Variants in ZNF81 observed in about 807,000 individuals in gnomAD.
ZNF81 encodes zinc finger protein 81, also known as zinc finger protein 81 (HFZ20).
A neutral mutation model predicts 32.3 loss-of-function variants in ZNF81; 5 were observed. That is an observed-to-expected ratio of 0.15 (90% CI 0.08 to 0.33). ZNF81 has a LOEUF of 0.33. Ranked by LOEUF, ZNF81 falls within the 10% of genes least tolerant of loss-of-function variation. The probability of loss-of-function intolerance (pLI) is 1.00; values close to 1 mark genes in which losing one functional copy is unlikely to be tolerated. For synonymous variants in ZNF81, 163 were observed against 166.8 expected (o/e 0.98, Z 0.17); for missense variants, 379 against 479.8 (o/e 0.79, Z 1.96).
rs1462516488 is a variant in ZNF81, at chrX:47,917,415, T to C, written c.*783T>C. ...TCCCAAGTAGCGTCTCTTTGTCTACTACTTGACTTTGAACTTGGCCACGTG... is the reference window on the plus strand; with the variant it reads ...TCCCAAGTAGCGTCTCTTTGTCTACCACTTGACTTTGAACTTGGCCACGTG... On this transcript the variant is annotated 3_prime_UTR_variant, in exon 5 of 5. Transcript: ENST00000338637. The C allele has an allele frequency of 3.4e-6, 1 of 292,389 alleles. No homozygotes were observed. Among genetic ancestry groups the C allele is most frequent in the African/African-American group, 2.8e-5 (1 of 36,353 alleles). 24.1% of individuals were successfully genotyped at this position (292,389 alleles called of 1,213,427 possible). A position where few individuals can be genotyped will look rare whatever the true frequency, so the allele number is the denominator to read the frequency against.
chrX:47,849,495 A>G (rs1403732055), intron 2 of ZNF81, among the ~76,000 whole-genome samples: 1 of 111,252 alleles, frequency 9.0e-6, no homozygotes, highest in Non-Finnish European at 1.9e-5. Context: ...AACATGGTGA[A>G]ACCCTGTCTC....
At chrX:47,892,725 C>T (rs1272146927) in intron 3 of ZNF81, among the ~76,000 whole-genome samples, 1 of 112,826 alleles carries the variant, frequency 8.9e-6, no homozygotes, top group Non-Finnish European at 1.9e-5. Flanking sequence ...CCTTGATATC[C>T]ATATCAATGT....
In ZNF81 at chrX:47,922,296, T is replaced by G. The variant is rs1556892037; in HGVS notation, c.*5664T>G. 1 of 112,349 alleles carries G rather than the reference T, an allele frequency of 8.9e-6. No individual in the cohort carries two copies. The highest frequency in any genetic ancestry group is 3.2e-5 in the African/African-American group (1 of 30,880). 9.3% of individuals were successfully genotyped at this position (112,349 alleles called of 1,213,427 possible). On this transcript the variant is annotated 3_prime_UTR_variant, in exon 5 of 5. Coordinates refer to ENST00000338637, the MANE Select transcript of ZNF81 (RefSeq NM_007137.5). ...GCTTGTAATCAGAAGTTATATAAGA[T>G]TGTTTCCTCCTTTGATTTTCAAAAA...
At chrX:47,869,669 GT>G (rs367801700) in intron 2 of ZNF81, among the ~76,000 whole-genome samples, 10,449 of 109,088 alleles carry the variant, frequency 0.096, 633 homozygotes, top group African/African-American at 0.21. Context: ...TGTATTTTTT[GT>G]TTTTTTTTAT....
intron 4 of ZNF81, among the ~76,000 whole-genome samples, chrX:47,911,595 T>C (rs146515473): frequency 0.01 from 1,164 of 111,678 alleles, 20 homozygotes; most frequent in African/African-American, 0.036. Context: ...TTTTGCTGTG[T>C]TTTAGAGGGA....
intron 4 of ZNF81, among the ~76,000 whole-genome samples, chrX:47,900,618 C>T (rs912484250): frequency 9.0e-6 from 1 of 111,682 alleles, no homozygotes; most frequent in Non-Finnish European, 1.9e-5. Flanking sequence ...ATTTGGATTG[C>T]GTCCTGAACA....
intron 2 of ZNF81, among the ~76,000 whole-genome samples, chrX:47,869,417 G>C: frequency 9.0e-6 from 1 of 111,328 alleles, no homozygotes; most frequent in East Asian, 2.8e-4. Flanking sequence ...CCATTACTGG[G>C]AGTACAAAAA....
chrX:47,914,983 A>G lies in ZNF81; in HGVS notation c.337A>G (p.Ser113Gly). The change falls in exon 5 of 5, where the codon AGT (serine) becomes GGT (glycine). Residue 113 changes from serine (S) to glycine (G), a missense_variant. Ser to Gly is a moderately conservative substitution (Grantham distance 56). Around this residue, in one of 2 missense-constraint regions of ZNF81, gnomAD observed 277 missense variants for 306.6 expected, o/e 0.90. Coordinates refer to ENST00000338637, the MANE Select transcript of ZNF81 (RefSeq NM_007137.5). ...RRISGKSTFH[S>G]EMEGEDTRDD... ...AATTTCTGGGAAATCTACATTTCAT[A>G]GTGAAATGGAGGGTGAAGACACAAG... is the stretch of plus-strand genomic sequence containing the variant. 1 of 1,203,527 alleles carries G rather than the reference A, an allele frequency of 8.3e-7. No individual in the cohort carries two copies. The highest frequency in any genetic ancestry group is 1.1e-6 in the Non-Finnish European group (1 of 890,049).
chrX:47,858,692 T>C (rs2148012272), intron 2 of ZNF81, among the ~76,000 whole-genome samples: 1 of 112,216 alleles, frequency 8.9e-6, no homozygotes, highest in Admixed American at 9.5e-5. Context: ...TTCTATATAA[T>C]ATGTGAAAGA....
In ZNF81 at chrX:47,836,946, GT is replaced by G. The variant is rs782692640; in HGVS notation, c.-203del. The G allele has an allele frequency of 1.4e-5, 3 of 219,971 alleles. No individual in the cohort carries two copies. The highest frequency in any genetic ancestry group is 2.2e-4 in the East Asian group (2 of 9,057). The allele number at this position is 219,971 out of a possible 1,213,427, so 18.1% of individuals were successfully genotyped here. A position where few individuals can be genotyped will look rare whatever the true frequency, so the allele number is the denominator to read the frequency against. ...GCCGGTTCTCAGCCGGGGTTTGATAGTTGTCAGGAGGATTCGACGTTCAGTG... is the reference window on the plus strand; with the variant it reads ...GCCGGTTCTCAGCCGGGGTTTGATAGTGTCAGGAGGATTCGACGTTCAGTG... On this transcript the variant is annotated 5_prime_UTR_variant, in exon 1 of 5. Transcript: ENST00000338637.
chrX:47,856,732 G>T (rs1318373552), intron 2 of ZNF81, among the ~76,000 whole-genome samples: 3 of 111,321 alleles, frequency 2.7e-5, no homozygotes, highest in Non-Finnish European at 5.7e-5. Context: ...ATCACCTGAG[G>T]TCAGGATTTC....
intron 2 of ZNF81, among the ~76,000 whole-genome samples, chrX:47,873,480 C>T (rs1416445415): frequency 1.8e-5 from 2 of 111,595 alleles, no homozygotes; most frequent in Non-Finnish European, 3.8e-5. Flanking sequence ...TTTCTGATGT[C>T]TCTCTGTTCC....
At chrX:47,901,127 T>C (rs1391084429) in intron 4 of ZNF81, among the ~76,000 whole-genome samples, 1 of 110,555 alleles carries the variant, frequency 9.0e-6, no homozygotes, top group African/African-American at 3.3e-5. Context: ...TGTTTTTTTA[T>C]TTTTGTTTGT....
intron 2 of ZNF81, among the ~76,000 whole-genome samples, chrX:47,854,528 A>T (rs1556881638): frequency 9.0e-6 from 1 of 111,703 alleles, no homozygotes; most frequent in Non-Finnish European, 1.9e-5. Context: ...CTAGCTTTTG[A>T]TTTAAAGGGA....
In ZNF81 at chrX:47,891,009, T is replaced by C. The variant is rs781990333; in HGVS notation, c.181+2884T>C. Among the ~76,000 whole-genome samples the C allele has an allele frequency of 8.0e-5, 9 of 112,011 alleles. No homozygotes were observed. The South Asian group carries it at 3.4e-3, about 42-fold the overall frequency. On this transcript the variant is annotated intron_variant, in intron 3 of 4. Coordinates refer to ENST00000338637, the MANE Select transcript of ZNF81 (RefSeq NM_007137.5). Reference sequence around the variant, plus strand: ...CTTGCTCACTAGGTCCAATCAGCATTATCTCATTAGTGTCATGGACCAGTG... The same window carrying C: ...CTTGCTCACTAGGTCCAATCAGCATCATCTCATTAGTGTCATGGACCAGTG...
At chrX:47,866,255 C>G (rs2058559623) in intron 2 of ZNF81, among the ~76,000 whole-genome samples, 2 of 111,826 alleles carry the variant, frequency 1.8e-5, no homozygotes, top group Non-Finnish European at 3.8e-5. Flanking sequence ...AAAGACGTAG[C>G]CAGCATCAGC....
At chrX:47,868,630 T>G (rs1482418066) in intron 2 of ZNF81, among the ~76,000 whole-genome samples, 1 of 111,617 alleles carries the variant, frequency 9.0e-6, no homozygotes, top group East Asian at 2.8e-4. Context: ...GTGATTGTAT[T>G]ATGTGCTTTT....
chrX:47,878,513 GGA>G (rs1556884797), intron 2 of ZNF81, among the ~76,000 whole-genome samples: 1 of 112,530 alleles, frequency 8.9e-6, no homozygotes, highest in Non-Finnish European at 1.9e-5. Flanking sequence ...CCGATTGGGG[GGA>G]ACCTGAGACT....
intron 4 of ZNF81, among the ~76,000 whole-genome samples, chrX:47,898,863 T>C (rs1272484676): frequency 8.9e-6 from 1 of 112,027 alleles, no homozygotes; most frequent in Non-Finnish European, 1.9e-5. Context: ...TATTTTTTGA[T>C]TTTCATTGCT....
Sources: gnomAD v4.1 joint callset for allele counts (sites outside exome capture counted in the v4.1 genomes callset) on GRCh38, gnomAD v4.1.1 for gene constraint, gnomAD v4.1.1 regional missense constraint, MANE v1.5 for transcripts, NCBI Gene and HGNC (gene_info 2026-07-23, HGNC 2026-07-21) for gene names.